OPCML: variants seen among roughly 807,000 people sequenced by gnomAD.
The protein encoded by OPCML is opioid-binding protein/cell adhesion molecule.
In OPCML, 13 loss-of-function variants were observed where a neutral mutation model predicts 37.8. The observed-to-expected ratio is 0.34, with a 90% confidence interval of 0.22 to 0.55. The LOEUF (loss-of-function observed/expected upper bound fraction) is 0.55, where lower values mean the gene tolerates loss of function less well. Among genes scored for constraint, OPCML ranks in the 20% least tolerant of loss-of-function variants. The pLI is 0.91. For missense variants in OPCML, 341 were observed against 435.6 expected (o/e 0.78, Z 1.93); for synonymous variants, 176 against 168.8 (o/e 1.04, Z -0.33).
chr11:133,127,991 G>A (rs535841022), intron 1 of OPCML, among the ~76,000 whole-genome samples: 6 of 151,954 alleles, frequency 3.9e-5, no homozygotes, highest in East Asian at 1.9e-4. Flanking sequence ...CTGGTCCTGC[G>A]GTTCAGGCAC....
At position 133,312,458 on chromosome 11, in the gene OPCML, GAGA is replaced by G. The variant is rs146583558; in HGVS notation, c.61+219803_61+219805del. ...TACCTGAGCAGTGAGAATGAAATCA[GAGA>G]AGATGAGCCGTAGCCCTGAATAGGC... On this transcript the variant is annotated intron_variant, in intron 1 of 7. Transcript: ENST00000524381. 3.0e-3 allele frequency among the ~76,000 whole-genome samples: 457 copies of G among 152,342 alleles called. 1 individual carries two copies. Among genetic ancestry groups the G allele is most frequent in the African/African-American group, 0.01 (429 of 41,572 alleles).
intron 2 of OPCML, among the ~76,000 whole-genome samples, chr11:132,924,018 C>A (rs911128957): frequency 1.3e-5 from 2 of 151,832 alleles, no homozygotes; most frequent in African/African-American, 4.8e-5. Context: ...CCGCCTCGGC[C>A]TCCCAAAGTG....
chr11:132,665,319 A>G (rs1386978766), intron 2 of OPCML, among the ~76,000 whole-genome samples: 1 of 152,142 alleles, frequency 6.6e-6, no homozygotes, highest in Non-Finnish European at 1.5e-5. Flanking sequence ...GTCCACCAGA[A>G]ATTGCTCATT....
intron 1 of OPCML, among the ~76,000 whole-genome samples, chr11:133,318,485 A>T (rs1943255149): frequency 9.4e-6 from 1 of 105,960 alleles, no homozygotes; most frequent in Non-Finnish European, 1.9e-5. Flanking sequence ...GTTTCCTCTT[A>T]GTAACTTTCC....
Position 133,211,038 on chromosome 11 carries a change from T to C in OPCML, c.62-268028A>G, listed in dbSNP as rs1235352430. ...TTAAAAAAATGTGCAGAGAAGTCTC[T>C]CTACAAACTATAACCACCTAGTAAT... On this transcript the variant is annotated intron_variant, in intron 1 of 7. Coordinates refer to ENST00000524381, the MANE Select transcript of OPCML (RefSeq NM_001012393.5). The surrounding 1 kb of genome is among the most constrained non-coding windows in gnomAD (Gnocchi z 4.1). 6.6e-6 allele frequency among the ~76,000 whole-genome samples: 1 copy of C among 152,182 alleles called. No individual in the cohort carries two copies. The highest frequency in any genetic ancestry group is 2.4e-5 in the African/African-American group (1 of 41,452).
intron 3 of OPCML, among the ~76,000 whole-genome samples, chr11:132,560,627 T>C (rs7129053): frequency 0.71 from 108,115 of 152,072 alleles, 38,818 homozygotes; most frequent in African/African-American, 0.79. Flanking sequence ...GCCATTCTTG[T>C]AGGAGTAAGG....
intron 2 of OPCML, among the ~76,000 whole-genome samples, chr11:132,674,401 A>G (rs1942613088): frequency 6.6e-6 from 1 of 152,168 alleles, no homozygotes; most frequent in Non-Finnish European, 1.5e-5. Context: ...ACCTGGCCTC[A>G]CCATTGAAGG....
At chr11:132,899,970 C>T (rs1474412111) in intron 2 of OPCML, among the ~76,000 whole-genome samples, 2 of 152,298 alleles carry the variant, frequency 1.3e-5, no homozygotes, top group Non-Finnish European at 1.5e-5. Context: ...CTGAGCAACA[C>T]TACTGGCATT....
At chr11:133,144,467 T>C (rs1320636168) in intron 1 of OPCML, among the ~76,000 whole-genome samples, 1 of 152,232 alleles carries the variant, frequency 6.6e-6, no homozygotes, top group African/African-American at 2.4e-5. Context: ...CCAGAAGTGA[T>C]GGCAAGGAGG....
At chr11:133,437,184 G>C (rs1448152195) in intron 1 of OPCML, among the ~76,000 whole-genome samples, 1 of 152,186 alleles carries the variant, frequency 6.6e-6, no homozygotes, top group African/African-American at 2.4e-5. Flanking sequence ...TCAGGACCCA[G>C]ATTGTAGTTT....
intron 3 of OPCML, among the ~76,000 whole-genome samples, chr11:132,570,072 T>C (rs894400946): frequency 1.4e-4 from 21 of 152,208 alleles, no homozygotes; most frequent in Admixed American, 1.1e-3. Context: ...ATCATAAACA[T>C]AATTATTATT....
At chr11:133,051,056 C>CAT (rs34556518) in intron 1 of OPCML, among the ~76,000 whole-genome samples, 3,309 of 88,584 alleles carry the variant, frequency 0.037, 91 homozygotes, top group African/African-American at 0.11. Context: ...CATGTGTGTA[C>CAT]ATACACACAC....
chr11:132,433,374 T>G (rs1221950390), intron 7 of OPCML, among the ~76,000 whole-genome samples: 1 of 152,034 alleles, frequency 6.6e-6, no homozygotes, highest in Non-Finnish European at 1.5e-5. Flanking sequence ...AGGCCTGTGG[T>G]TTTTGTTTGT....
intron 1 of OPCML, among the ~76,000 whole-genome samples, chr11:133,524,952 A>T (rs1470783177): frequency 2.6e-5 from 4 of 152,224 alleles, no homozygotes; most frequent in Admixed American, 2.0e-4. Context: ...TTATTCATTC[A>T]TTCATTCTCT....
intron 1 of OPCML, among the ~76,000 whole-genome samples, chr11:133,286,238 C>G (rs1942292699): frequency 6.6e-6 from 1 of 152,008 alleles, no homozygotes; most frequent in African/African-American, 2.4e-5. Context: ...ATCTCGAGGT[C>G]AGGAGATCGC....
chr11:132,516,953 A>G (rs1444242838), intron 4 of OPCML, among the ~76,000 whole-genome samples: 1 of 152,060 alleles, frequency 6.6e-6, no homozygotes, highest in Non-Finnish European at 1.5e-5. Context: ...AAGTTCTTCA[A>G]CCCATGGTGG....
At chr11:132,992,071 G>A (rs937904868) in intron 1 of OPCML, among the ~76,000 whole-genome samples, 9 of 151,914 alleles carry the variant, frequency 5.9e-5, no homozygotes, top group Admixed American at 3.3e-4. Context: ...TTATGATGAA[G>A]CCATTGTATT....
chr11:132,666,962 T>A (rs556069976), intron 2 of OPCML, among the ~76,000 whole-genome samples: 4 of 152,290 alleles, frequency 2.6e-5, no homozygotes, highest in East Asian at 1.9e-4. Flanking sequence ...GACCATTGCA[T>A]CCCTATAGAT....
chr11:132,768,667 A>G (rs543979774), intron 2 of OPCML, among the ~76,000 whole-genome samples: 1 of 152,278 alleles, frequency 6.6e-6, no homozygotes, highest in East Asian at 1.9e-4. Context: ...AGAGAAGGTA[A>G]GTCATTTAAA....
Sources: gnomAD v4.1 joint callset for allele counts (sites outside exome capture counted in the v4.1 genomes callset) on GRCh38, gnomAD v4.1.1 for gene constraint, Gnocchi (gnomAD v3.1) non-coding constraint, MANE v1.5 for transcripts, NCBI Gene and HGNC (gene_info 2026-07-23, HGNC 2026-07-21) for gene names.